Variants in IRAK2 observed in about 807,000 individuals in gnomAD.
The protein encoded by IRAK2 is interleukin 1 receptor associated kinase 2.
IRAK2 carries 57 observed loss-of-function variants against 72.0 expected under a neutral mutation model. The ratio of observed to expected loss-of-function variants is 0.79; its 90% CI spans 0.64 to 0.99. The LOEUF is 0.99. Ranked by LOEUF, IRAK2 falls within the 50% of genes least tolerant of loss-of-function variation. The probability of loss-of-function intolerance (pLI) is 0.00; values close to 1 mark genes in which losing one functional copy is unlikely to be tolerated. For synonymous variants in IRAK2, 293 were observed against 312.7 expected, an observed-to-expected ratio of 0.94 and a Z score of 0.67; for missense variants, 790 against 794.4, an observed-to-expected ratio of 0.99 and a Z score of 0.07.
chr3:10,176,626 C>T (rs951896591), intron 1 of IRAK2, among the ~76,000 whole-genome samples: 4 of 151,022 alleles, frequency 2.6e-5, no homozygotes, highest in Admixed American at 6.6e-5. Context: ...TACAGGTGCA[C>T]GCCACCACGC....
intron 12 of IRAK2, 130 bp from the exon 13 acceptor site, chr3:10,241,984 AAG>A: frequency 2.3e-6 from 1 of 431,732 alleles, no homozygotes; most frequent in Non-Finnish European, 3.9e-6. Flanking sequence ...ATAAAAAAAA[AAG>A]AAAAAAAAAA....
chr3:10,202,689 CTT>C (rs374939802), intron 3 of IRAK2, among the ~76,000 whole-genome samples: 56 of 98,054 alleles, frequency 5.7e-4, no homozygotes, highest in South Asian at 1.0e-3. Flanking sequence ...ACTTTCTTTC[CTT>C]TTTTTTTTTT....
chr3:10,191,576 A>G (rs926483517), intron 2 of IRAK2, among the ~76,000 whole-genome samples: 1 of 152,078 alleles, frequency 6.6e-6, no homozygotes, highest in Non-Finnish European at 1.5e-5. Flanking sequence ...GGATATGCCA[A>G]GTGTTTGCTG....
chr3:10,177,626 T>G (rs554065148), intron 1 of IRAK2, among the ~76,000 whole-genome samples: 1 of 152,310 alleles, frequency 6.6e-6, no homozygotes, highest in African/African-American at 2.4e-5. Context: ...GTCTTTCTCC[T>G]AAGTCATATG....
intron 5 of IRAK2, 39 bp downstream of exon 5, chr3:10,213,440 A>C: frequency 7.0e-7 from 1 of 1,438,340 alleles, no homozygotes. Flanking sequence ...TGGAGGCTGC[A>C]GGGGTGGGGC....
At chr3:10,181,331 T>C (rs1267530978) in intron 2 of IRAK2, among the ~76,000 whole-genome samples, 1 of 151,900 alleles carries the variant, frequency 6.6e-6, no homozygotes, top group Non-Finnish European at 1.5e-5. Context: ...AACCCTTGGC[T>C]GGGCATGGTG....
chr3:10,176,299 C>G (rs917181021), intron 1 of IRAK2, among the ~76,000 whole-genome samples: 4 of 151,828 alleles, frequency 2.6e-5, no homozygotes, highest in Non-Finnish European at 4.4e-5. Flanking sequence ...CTTAGCATAT[C>G]TTTTTTGTTG....
Position 10,222,723 on chromosome 3 carries a change from C to T in IRAK2, c.1101C>T (p.Tyr367=). The T allele has an allele frequency of 1.9e-6, 3 of 1,614,198 alleles. No homozygotes were observed. Among genetic ancestry groups the T allele is most frequent in the Non-Finnish European group, 1.7e-6 (2 of 1,180,034 alleles). Residue 367 remains tyrosine (Y), a synonymous_variant, in exon 9 of 13, where the codon TAC becomes TAT. Transcript: ENST00000256458. ...GTCCTGTCAACAAAAGGTCAAAATA[C>T]ACCATGATGAAGACTCACCTGCTCC... The part of the protein sequence containing the change: ...HLCPVNKRSK[Y]TMMKTHLLRT...
At chr3:10,180,793 G>T (rs554590089) in intron 2 of IRAK2, among the ~76,000 whole-genome samples, 2 of 152,256 alleles carry the variant, frequency 1.3e-5, no homozygotes, top group South Asian at 4.1e-4. Context: ...TGGTGGACGT[G>T]CAGGTGGAGA....
rs1263644232 is a variant in IRAK2 at position 10,242,606 on chromosome 3, A to G, written c.*378A>G. On this transcript the variant is annotated 3_prime_UTR_variant, in exon 13 of 13. Transcript: ENST00000256458. Reference sequence around the variant, plus strand: ...CAGCTCTTGTTCCCCCGCCACTGGCAGTTCTGCAATGCCATAGCATTTTCC... The same window carrying G: ...CAGCTCTTGTTCCCCCGCCACTGGCGGTTCTGCAATGCCATAGCATTTTCC... The G allele has an allele frequency of 6.4e-6, 1 of 156,264 alleles. No individual in the cohort carries two copies. Among genetic ancestry groups the G allele is most frequent in the Admixed American group, 6.5e-5 (1 of 15,426 alleles). The allele number at this position is 156,264 out of a possible 1,614,324, so 9.7% of individuals were successfully genotyped here.
At chr3:10,208,868 C>T (rs1046844703) in intron 3 of IRAK2, among the ~76,000 whole-genome samples, 1 of 152,122 alleles carries the variant, frequency 6.6e-6, no homozygotes, top group African/African-American at 2.4e-5. Context: ...CTCAGCCTCC[C>T]AAAGTGCTGG....
intron 1 of IRAK2, among the ~76,000 whole-genome samples, chr3:10,165,582 A>G (rs1696670628): frequency 6.6e-6 from 1 of 151,414 alleles, no homozygotes; most frequent in Admixed American, 6.6e-5. Flanking sequence ...TGCAACCTCC[A>G]CCTCTGGGAT....
intron 2 of IRAK2, among the ~76,000 whole-genome samples, chr3:10,182,449 A>AT (rs1297584141): frequency 2.0e-5 from 3 of 150,216 alleles, no homozygotes; most frequent in Non-Finnish European, 4.4e-5. Context: ...CGCCCGGCTA[A>AT]TTTTTTGTAT....
At chr3:10,176,065 GTTTT>G (rs58627914) in intron 1 of IRAK2, among the ~76,000 whole-genome samples, 3,683 of 77,414 alleles carry the variant, frequency 0.048, 172 homozygotes, top group African/African-American at 0.16. Context: ...TATTGTCCAT[GTTTT>G]TTTTTTTTTT....
chr3:10,216,188 G>A (rs1224609901), intron 6 of IRAK2, among the ~76,000 whole-genome samples: 1 of 152,176 alleles, frequency 6.6e-6, no homozygotes, highest in Non-Finnish European at 1.5e-5. Flanking sequence ...GCAGTGAATG[G>A]TGACTGATTT....
intron 2 of IRAK2, among the ~76,000 whole-genome samples, chr3:10,197,067 C>T (rs1325014659): frequency 6.6e-6 from 1 of 151,736 alleles, no homozygotes; most frequent in Admixed American, 6.6e-5. Flanking sequence ...GAATAAATCA[C>T]AAAGAAAAAA....
At chr3:10,234,342 C>T (rs1370118024) in intron 10 of IRAK2, 117 bp from the exon 11 acceptor site, 3 of 743,534 alleles carry the variant, frequency 4.0e-6, no homozygotes, top group Non-Finnish European at 4.7e-6. Context: ...TTTATTCTTA[C>T]GATGTCCGGT....
intron 3 of IRAK2, among the ~76,000 whole-genome samples, chr3:10,208,730 T>C (rs1161391549): frequency 6.6e-6 from 1 of 150,598 alleles, no homozygotes; most frequent in East Asian, 2.0e-4. Context: ...GCCACTGCAC[T>C]CCAGCCTGGG....
At chr3:10,184,091 C>T (rs900848405) in intron 2 of IRAK2, among the ~76,000 whole-genome samples, 1 of 152,176 alleles carries the variant, frequency 6.6e-6, no homozygotes, top group Non-Finnish European at 1.5e-5. Context: ...CCCCTACATG[C>T]ACATCGCAGA....
Sources: gnomAD v4.1 joint callset for allele counts (sites outside exome capture counted in the v4.1 genomes callset) on GRCh38, gnomAD v4.1.1 for gene constraint, MANE v1.5 for transcripts, NCBI Gene and HGNC (gene_info 2026-07-23, HGNC 2026-07-21) for gene names.